The following TRIM72 variants were observed in gnomAD, a reference collection of about 807,000 sequenced individuals.
TRIM72 encodes the protein tripartite motif containing 72, also known as tripartite motif-containing protein 72.
A neutral mutation model predicts 31.6 loss-of-function variants in TRIM72; 33 were observed. That is an observed-to-expected ratio of 1.04 (90% confidence interval 0.79 to 1.40). TRIM72 has a LOEUF of 1.40. Ranked by LOEUF, TRIM72 falls within the 40% of genes most tolerant of loss-of-function variation. The pLI is 0.00. For synonymous variants in TRIM72, 301 were observed against 314.4 expected, an observed-to-expected ratio of 0.96 and a Z score of 0.45; for missense variants, 666 against 682.7, an observed-to-expected ratio of 0.98 and a Z score of 0.27.
rs549168444 is a variant in TRIM72 at position 31,214,977 on chromosome 16, A to T, written c.239A>T (p.Gln80Leu). 3.4e-6 allele frequency: 5 copies of T among 1,490,122 alleles called. No individual in the cohort carries two copies. The Admixed American group carries it at 1.1e-4, about 33-fold the overall frequency. The allele number at this position is 1,490,122 out of a possible 1,614,324, so 92.3% of individuals were successfully genotyped here. The change falls in exon 2 of 7, where the codon CAG becomes CTG. Residue 80 changes from glutamine to leucine, a missense_variant. Physicochemically the swap from Gln to Leu is moderately radical, Grantham distance 113. Transcript: ENST00000322122. ...QLARLVEGLAQVPQGHCEEHL... is the reference protein window; with the variant it reads ...QLARLVEGLALVPQGHCEEHL... Reference sequence around the variant, plus strand: ...GCGCGCCTGGTGGAGGGGCTGGCCCAGGTGCCGCAGGGCCACTGCGAGGAG... The same window carrying T: ...GCGCGCCTGGTGGAGGGGCTGGCCCTGGTGCCGCAGGGCCACTGCGAGGAG...
intron 2 of TRIM72, among the ~76,000 whole-genome samples, chr16:31,218,006 T>A (rs1271265577): frequency 1.3e-5 from 2 of 152,200 alleles, no homozygotes; most frequent in Non-Finnish European, 2.9e-5. Context: ...ACAGGCTGAC[T>A]GAGGCTGATG....
chr16:31,217,112 C>T, intron 2 of TRIM72: 2 of 1,417,174 alleles, frequency 1.4e-6, no homozygotes, highest in Non-Finnish European at 1.9e-6. Flanking sequence ...CTGCCGCCCC[C>T]GGGGATGTCC....
chr16:31,222,978 G>T, intron 6 of TRIM72, 33 bp downstream of exon 6: 1 of 1,548,960 alleles, frequency 6.5e-7, no homozygotes, highest in South Asian at 1.2e-5. Flanking sequence ...GTTTGTGTGT[G>T]ACCAGGCAGT....
At chr16:31,221,616 G>T (rs554782703) in intron 5 of TRIM72, among the ~76,000 whole-genome samples, 13 of 140,588 alleles carry the variant, frequency 9.2e-5, no homozygotes, top group Non-Finnish European at 2.0e-4. Flanking sequence ...TGGGAGAAGG[G>T]CATTGCTGGG....
At position 31,224,386 on chromosome 16, in the gene TRIM72, G is replaced by A. The variant is rs1233943563; in HGVS notation, c.1065G>A (p.Pro355=). ...HYWEVDVGDK[P]RWALGVIAAE... ...GGGAGGTGGATGTTGGCGACAAGCC[G>A]CGCTGGGCGCTGGGCGTGATCGCGG... The change falls in exon 7 of 7, where the codon CCG becomes CCA. Residue 355 remains proline (P), a synonymous_variant. Transcript: ENST00000322122. 1.4e-6 allele frequency: 2 copies of A among 1,451,736 alleles called. No homozygotes were observed. The highest frequency in any genetic ancestry group is 1.5e-5 in the African/African-American group (1 of 67,294). The allele number at this position is 1,451,736 out of a possible 1,614,324, so 89.9% of individuals were successfully genotyped here.
rs149856937 is a variant in TRIM72 at position 31,215,790 on chromosome 16, A to G, written c.390+662A>G. Among the ~76,000 whole-genome samples the G allele has an allele frequency of 2.1e-3, 320 of 152,224 alleles. No individual in the cohort carries two copies. Among genetic ancestry groups the G allele is most frequent in the South Asian group, 3.3e-3 (16 of 4,820 alleles). On this transcript the variant is annotated intron_variant, in intron 2 of 6. Transcript: ENST00000322122. This position sits in a 1 kb window ranked among gnomAD's most constrained non-coding sequence, Gnocchi z 6.3. ...GGATGTTTTTCTGGGTGGAGCTGGA[A>G]GTCCCGAAAGCCTTGGGAGCCCACA...
chr16:31,228,664 C>G lies in TRIM72; in HGVS notation c.*3909C>G, dbSNP rs1405562568. 1 of 152,040 alleles carries G rather than the reference C, an allele frequency of 6.6e-6. No homozygotes were observed. Among genetic ancestry groups the G allele is most frequent in the African/African-American group, 2.4e-5 (1 of 41,300 alleles). The allele number at this position is 152,040 out of a possible 1,614,324, so 9.4% of individuals were successfully genotyped here. Reference sequence around the variant, plus strand: ...TCAGCTCACTGCAACCTCTGCCTCCCAGGTTCAAGTGATTCTCCTGCCTCA... The same window carrying G: ...TCAGCTCACTGCAACCTCTGCCTCCGAGGTTCAAGTGATTCTCCTGCCTCA... On this transcript the variant is annotated 3_prime_UTR_variant, in exon 7 of 7. Coordinates refer to ENST00000322122, the MANE Select transcript of TRIM72 (RefSeq NM_001008274.4).
At chr16:31,222,703 T>G in intron 5 of TRIM72, 124 bp from the exon 6 acceptor site, 1 of 575,080 alleles carries the variant, frequency 1.7e-6, no homozygotes, top group Non-Finnish European at 3.0e-6. Flanking sequence ...TTTTCTCATC[T>G]TCCCAAACCA....
Position 31,215,227 on chromosome 16 carries a change from G to A in TRIM72, c.390+99G>A. 7.4e-7 allele frequency: 1 copy of A among 1,346,562 alleles called. No homozygotes were observed. The highest frequency in any genetic ancestry group is 9.5e-7 in the Non-Finnish European group (1 of 1,048,280). The allele number at this position is 1,346,562 out of a possible 1,614,324, so 83.4% of individuals were successfully genotyped here. A position where few individuals can be genotyped will look rare whatever the true frequency, so the allele number is the denominator to read the frequency against. ...GATTTGGATTCTGAGTCTCTAGAGA[G>A]GCTCACGAGCTCCTGGAGTTGCGGG... is the stretch of plus-strand genomic sequence containing the variant. On this transcript the variant is annotated intron_variant, in intron 2 of 6. Transcript: ENST00000322122. The surrounding 1 kb of genome is among the most constrained non-coding windows in gnomAD (Gnocchi z 6.3).
intron 2 of TRIM72, chr16:31,217,144 A>G: frequency 8.9e-7 from 1 of 1,124,632 alleles, no homozygotes; most frequent in Non-Finnish European, 1.3e-6. Context: ...CTGATCTGGC[A>G]GCTCCTATTC....
At position 31,216,634 on chromosome 16, in the gene TRIM72, G is replaced by C. The variant is rs1279844103; in HGVS notation, c.390+1506G>C. The C allele has an allele frequency of 8.3e-7, 1 of 1,206,852 alleles. No homozygotes were observed. The highest frequency in any genetic ancestry group is 1.5e-5 in the African/African-American group (1 of 66,210). The allele number at this position is 1,206,852 out of a possible 1,614,324, so 74.8% of individuals were successfully genotyped here. A position where few individuals can be genotyped will look rare whatever the true frequency, so the allele number is the denominator to read the frequency against. ...CGGGAGGGGCTGGCCGGAGGTCTGA[G>C]GGAGGACCCCAGGAGGGACCCTGAA... On this transcript the variant is annotated intron_variant, in intron 2 of 6. Transcript: ENST00000322122. The surrounding 1 kb of genome is among the most constrained non-coding windows in gnomAD (Gnocchi z 6.7).
Position 31,214,862 on chromosome 16 carries a change from G to A in TRIM72, c.124G>A (p.Ala42Thr), listed in dbSNP as rs1325044807. ...SFCRACLGRV[A>T]GEPAADGTVL... ...CTGCCGCGCCTGCCTAGGCCGCGTGGCCGGGGAGCCGGCGGCGGATGGCAC... is the reference window on the plus strand; with the variant it reads ...CTGCCGCGCCTGCCTAGGCCGCGTGACCGGGGAGCCGGCGGCGGATGGCAC... The change falls in exon 2 of 7, where the codon GCC (alanine) becomes ACC (threonine). Residue 42 changes from alanine (A) to threonine (T), a missense_variant. Coordinates refer to ENST00000322122, the MANE Select transcript of TRIM72 (RefSeq NM_001008274.4). 5 of 1,534,876 alleles carry A rather than the reference G, an allele frequency of 3.3e-6. No homozygotes were observed. Among genetic ancestry groups the A allele is most frequent in the Admixed American group, 1.9e-5 (1 of 51,954 alleles).
intron 5 of TRIM72, 48 bp from the exon 6 acceptor site, chr16:31,222,779 T>A: frequency 4.6e-6 from 2 of 438,816 alleles, no homozygotes; most frequent in Middle Eastern, 6.5e-4. Context: ...CCCCCAGCCC[T>A]TGTCCTCCCC....
At position 31,224,214 on chromosome 16, in the gene TRIM72, C is replaced by T; in HGVS notation, c.893C>T (p.Ala298Val). Reference sequence around the variant, plus strand: ...GAGCTGACCTTTGACCCGAGCTCTGCGCACCCGAGCCTGGTGGTGTCTTCC... The same window carrying T: ...GAGCTGACCTTTGACCCGAGCTCTGTGCACCCGAGCCTGGTGGTGTCTTCC... Reference protein sequence around the residue: ...LEELTFDPSSAHPSLVVSSSG... With the variant: ...LEELTFDPSSVHPSLVVSSSG... The change falls in exon 7 of 7, where the codon GCG (alanine) becomes GTG (valine). Residue 298 changes from alanine to valine, a missense_variant. Coordinates refer to ENST00000322122, the MANE Select transcript of TRIM72 (RefSeq NM_001008274.4). The T allele has an allele frequency of 1.9e-6, 3 of 1,604,028 alleles. No homozygotes were observed. The highest frequency in any genetic ancestry group is 1.7e-6 in the Non-Finnish European group (2 of 1,179,846).
chr16:31,217,576 A>G (rs2079516124), intron 2 of TRIM72, among the ~76,000 whole-genome samples: 1 of 150,584 alleles, frequency 6.6e-6, no homozygotes, highest in African/African-American at 2.4e-5. Flanking sequence ...GGTCTTGGGT[A>G]AGATCTAGAC....
chr16:31,221,885 G>A (rs765621942), intron 5 of TRIM72, among the ~76,000 whole-genome samples: 11 of 148,864 alleles, frequency 7.4e-5, no homozygotes, highest in Admixed American at 2.7e-4. Context: ...GGAAAAGGGC[G>A]TTGCTGGGAG....
At chr16:31,221,151 G>C (rs1842105198) in intron 5 of TRIM72, among the ~76,000 whole-genome samples, 1 of 152,210 alleles carries the variant, frequency 6.6e-6, no homozygotes, top group Non-Finnish European at 1.5e-5. Flanking sequence ...AGGCGTCACT[G>C]TGTGCTCAGT....
Position 31,214,903 on chromosome 16 carries a change from C to G in TRIM72, c.165C>G (p.Cys55Trp). ...PAADGTVLCP[C>W]CQAPTRPQAL... The stretch of plus-strand genomic sequence containing the variant: ...CGGATGGCACCGTTCTCTGCCCCTG[C>G]TGCCAGGCCCCCACGCGGCCGCAGG... Residue 55 changes from cysteine (C) to tryptophan (W), a missense_variant, in exon 2 of 7, where the codon TGC becomes TGG. Transcript: ENST00000322122. The G allele has an allele frequency of 6.6e-7, 1 of 1,518,526 alleles. No homozygotes were observed. Among genetic ancestry groups the G allele is most frequent in the African/African-American group, 1.4e-5 (1 of 70,298 alleles). 94.1% of individuals were successfully genotyped at this position (1,518,526 alleles called of 1,614,324 possible).
intron 2 of TRIM72, among the ~76,000 whole-genome samples, chr16:31,218,371 T>G (rs2079519414): frequency 6.6e-6 from 1 of 151,914 alleles, no homozygotes; most frequent in Non-Finnish European, 1.5e-5. Flanking sequence ...ATAGTGAGAT[T>G]GTCTCTACAA....
Sources: allele counts gnomAD v4.1 joint callset (sites outside exome capture counted in the v4.1 genomes callset), GRCh38; gene constraint gnomAD v4.1.1; non-coding constraint Gnocchi (gnomAD v3.1); transcripts MANE v1.5; gene names NCBI Gene and HGNC (gene_info 2026-07-23, HGNC 2026-07-21).